MAPK14: variants seen among roughly 807,000 people sequenced by gnomAD.
MAPK14 encodes the protein mitogen-activated protein kinase 14, also known as CSAID-binding protein.
MAPK14 carries 16 observed loss-of-function variants against 49.6 expected under a neutral mutation model. That is an observed-to-expected ratio of 0.32 (90% confidence interval 0.22 to 0.49). MAPK14 has a LOEUF of 0.49. Ranked by LOEUF, MAPK14 falls within the 20% of genes least tolerant of loss-of-function variation. The probability of loss-of-function intolerance (pLI) is 0.99; values close to 1 mark genes in which losing one functional copy is unlikely to be tolerated. For missense variants in MAPK14, 200 were observed against 441.2 expected (o/e 0.45, Z 4.90); for synonymous variants, 142 against 158.0 (o/e 0.90, Z 0.76).
At chr6:36,088,756 A>G (rs1026753825) in intron 8 of MAPK14, among the ~76,000 whole-genome samples, 4 of 152,154 alleles carry the variant, frequency 2.6e-5, no homozygotes, top group Non-Finnish European at 5.9e-5. Context: ...AAGGACATGA[A>G]CAAACACTTC....
chr6:36,089,020 G>C (rs529980934), intron 8 of MAPK14, among the ~76,000 whole-genome samples: 15 of 152,248 alleles, frequency 9.9e-5, no homozygotes, highest in African/African-American at 3.6e-4. Flanking sequence ...CCTAGAACCA[G>C]AAATAACATT....
rs1765840363 is a variant in MAPK14 at position 36,107,693 on chromosome 6, CTGAA to C, written c.1015+68_1015+71del. On this transcript the variant is annotated intron_variant, in intron 11 of 11. Coordinates refer to ENST00000229794, the MANE Select transcript of MAPK14 (RefSeq NM_139012.3). This position sits in a 1 kb window ranked among gnomAD's most constrained non-coding sequence, Gnocchi z 4.3. ...CCAAAAGCGGTGGGAAAAATAAAAACTGAATGGTCATAACCAACTTGCTAAAGCT... is the reference window on the plus strand; with the variant it reads ...CCAAAAGCGGTGGGAAAAATAAAAACTGGTCATAACCAACTTGCTAAAGCT... The C allele has an allele frequency of 3.1e-6, 4 of 1,278,406 alleles. No individual in the cohort carries two copies. The South Asian group carries it at 7.0e-5, about 22-fold the overall frequency. The allele number at this position is 1,278,406 out of a possible 1,614,324, so 79.2% of individuals were successfully genotyped here. A position where few individuals can be genotyped will look rare whatever the true frequency, so the allele number is the denominator to read the frequency against.
intron 3 of MAPK14, among the ~76,000 whole-genome samples, chr6:36,059,595 A>G (rs187167955): frequency 1.3e-5 from 2 of 152,356 alleles, no homozygotes; most frequent in African/African-American, 4.8e-5. Flanking sequence ...CAAAAGTTCC[A>G]TGGAGAAAGG....
chr6:36,063,446 C>T (rs541930860), intron 3 of MAPK14, among the ~76,000 whole-genome samples: 11 of 152,124 alleles, frequency 7.2e-5, no homozygotes, highest in Admixed American at 2.6e-4. Context: ...AAAAATTAGC[C>T]GAGCATAGTG....
At chr6:36,122,517 C>T in the MAPK14 span, among the ~76,000 whole-genome samples, 1 of 152,230 alleles carries the variant, frequency 6.6e-6, no homozygotes, top group Non-Finnish European at 1.5e-5. Flanking sequence ...GGCACTCTTC[C>T]AGGTACGTGG....
At chr6:36,044,258 C>G (rs1003437978) in intron 1 of MAPK14, among the ~76,000 whole-genome samples, 1 of 152,104 alleles carries the variant, frequency 6.6e-6, no homozygotes, top group African/African-American at 2.4e-5. Context: ...CATCTATGAC[C>G]ATTGAAAGAA....
intron 9 of MAPK14, chr6:36,096,655 C>T (rs1384432130): frequency 6.6e-6 from 1 of 152,240 alleles, no homozygotes; most frequent in Non-Finnish European, 1.5e-5. Context: ...TCCCTAGACC[C>T]CACTCAGAAG....
intron 10 of MAPK14, among the ~76,000 whole-genome samples, chr6:36,106,336 C>T (rs1376643196): frequency 6.6e-6 from 1 of 152,072 alleles, no homozygotes; most frequent in Non-Finnish European, 1.5e-5. Flanking sequence ...ATCAGAGGGT[C>T]TCTTTAGATC....
intron 10 of MAPK14, among the ~76,000 whole-genome samples, chr6:36,105,130 A>G (rs2127475162): frequency 6.6e-6 from 1 of 152,354 alleles, no homozygotes; most frequent in African/African-American, 2.4e-5. Flanking sequence ...TGCCAGAAAT[A>G]TAAATATTAA....
At chr6:36,072,433 A>G (rs1368728851) in intron 3 of MAPK14, among the ~76,000 whole-genome samples, 2 of 152,128 alleles carry the variant, frequency 1.3e-5, no homozygotes, top group Non-Finnish European at 2.9e-5. Flanking sequence ...TCATCGTGGT[A>G]CAGCTACCAT....
At chr6:36,041,890 T>C (rs146688893) in intron 1 of MAPK14, among the ~76,000 whole-genome samples, 7 of 152,330 alleles carry the variant, frequency 4.6e-5, no homozygotes, top group African/African-American at 1.7e-4. Flanking sequence ...ATAAATTGTG[T>C]ATATATGTAT....
intron 1 of MAPK14, among the ~76,000 whole-genome samples, chr6:36,047,806 G>C (rs1763240512): frequency 6.6e-6 from 1 of 151,070 alleles, no homozygotes; most frequent in African/African-American, 2.4e-5. Flanking sequence ...CATGATCTCA[G>C]CTCACTGCAA....
chr6:36,075,917 A>C lies in MAPK14; in HGVS notation c.565A>C (p.Arg189=), dbSNP rs773254123. 2.5e-6 allele frequency: 4 copies of C among 1,614,118 alleles called. No homozygotes were observed. In the Admixed American group the frequency reaches 5.0e-5, roughly 20 times the overall value. The change falls in exon 7 of 12, where the codon AGG becomes CGG. Residue 189 remains arginine, a synonymous_variant. Transcript: ENST00000229794. ...AGGCTACGTGGCCACTAGGTGGTAC[A>C]GGGCTCCTGAGATCATGCTGAACTG... is the stretch of plus-strand genomic sequence containing the variant. The part of the protein sequence containing the change: ...MTGYVATRWY[R]APEIMLNWMH...
chr6:36,100,069 G>A (rs2127471163), intron 9 of MAPK14: 2 of 694,230 alleles, frequency 2.9e-6, no homozygotes, highest in South Asian at 1.6e-5. Flanking sequence ...CGGGTAGGGG[G>A]AATGGAGGGT....
At chr6:36,081,772 C>CA (rs772461601) in intron 8 of MAPK14, among the ~76,000 whole-genome samples, 42 of 151,088 alleles carry the variant, frequency 2.8e-4, no homozygotes, top group South Asian at 1.7e-3. Context: ...TCTATTTCTG[C>CA]AAAAAAAAGG....
the MAPK14 span, among the ~76,000 whole-genome samples, chr6:36,120,861 T>A: frequency 1.3e-5 from 2 of 152,194 alleles, no homozygotes; most frequent in East Asian, 3.8e-4. Flanking sequence ...TTTGGTTGAA[T>A]GGATTAAGGC....
At chr6:36,047,142 A>G (rs573633837) in intron 1 of MAPK14, among the ~76,000 whole-genome samples, 1 of 151,606 alleles carries the variant, frequency 6.6e-6, no homozygotes, top group East Asian at 1.9e-4. Context: ...TGGGAGTGGA[A>G]AAGAAGAGAA....
rs1765829719 is a variant in MAPK14 at position 36,107,333 on chromosome 6, A to C, written c.842-122A>C. The stretch of plus-strand genomic sequence containing the variant: ...GAAGAGGGCTAATATATCCTAGAGT[A>C]GGTATTTTGGAGGAGAGTTCTTTGT... On this transcript the variant is annotated intron_variant, in intron 10 of 11. Coordinates refer to ENST00000229794, the MANE Select transcript of MAPK14 (RefSeq NM_139012.3). This position sits in a 1 kb window ranked among gnomAD's most constrained non-coding sequence, Gnocchi z 4.3. The C allele has an allele frequency of 1.7e-6, 1 of 576,862 alleles. No individual in the cohort carries two copies. The highest frequency in any genetic ancestry group is 3.0e-6 in the Non-Finnish European group (1 of 332,444). 35.7% of individuals were successfully genotyped at this position (576,862 alleles called of 1,614,324 possible). A position where few individuals can be genotyped will look rare whatever the true frequency, so the allele number is the denominator to read the frequency against.
chr6:36,040,245 C>G (rs1031426937), intron 1 of MAPK14, among the ~76,000 whole-genome samples: 2 of 152,114 alleles, frequency 1.3e-5, no homozygotes, highest in Non-Finnish European at 2.9e-5. Context: ...GTCTCCAACT[C>G]ACTGTATACT....
Sources: allele counts gnomAD v4.1 joint callset (sites outside exome capture counted in the v4.1 genomes callset), GRCh38; gene constraint gnomAD v4.1.1; non-coding constraint Gnocchi (gnomAD v3.1); transcripts MANE v1.5; gene names NCBI Gene and HGNC (gene_info 2026-07-23, HGNC 2026-07-21).